The following MYZAP variants were observed in gnomAD, a reference collection of about 807,000 sequenced individuals.
The protein encoded by MYZAP is GRINL1A complex locus upstream.
A neutral mutation model predicts 69.4 loss-of-function variants in MYZAP; 66 were observed. That is an observed-to-expected ratio of 0.95 (90% CI 0.78 to 1.17). The LOEUF (loss-of-function observed/expected upper bound fraction) is 1.17, where lower values mean the gene tolerates loss of function less well. Ranked by LOEUF, MYZAP falls within the 50% of genes most tolerant of loss-of-function variation. The probability of loss-of-function intolerance (pLI) is 0.00; values close to 1 mark genes in which losing one functional copy is unlikely to be tolerated. For missense variants in MYZAP, 611 were observed against 556.2 expected, an observed-to-expected ratio of 1.10 and a Z score of -0.99; for synonymous variants, 256 against 205.9, an observed-to-expected ratio of 1.24 and a Z score of -2.09.
rs1490428196 is a variant in MYZAP at position 57,646,347 on chromosome 15, T to C, written c.1119+6802T>C. On this transcript the variant is annotated intron_variant, in intron 10 of 12. Coordinates refer to ENST00000267853, the MANE Select transcript of MYZAP (RefSeq NM_001018100.5). Reference sequence around the variant, plus strand: ...TATTATTTAAAGGAAAATTTGACCATGTGGGGCTCTTGTTTGTGAAAACAC... The same window carrying C: ...TATTATTTAAAGGAAAATTTGACCACGTGGGGCTCTTGTTTGTGAAAACAC... 9.3e-6 allele frequency: 11 copies of C among 1,187,428 alleles called. No individual in the cohort carries two copies. The East Asian group carries it at 4.8e-4, about 51-fold the overall frequency. 73.6% of individuals were successfully genotyped at this position (1,187,428 alleles called of 1,614,324 possible). A position where few individuals can be genotyped will look rare whatever the true frequency, so the allele number is the denominator to read the frequency against.
intron 10 of MYZAP, among the ~76,000 whole-genome samples, chr15:57,652,953 T>G (rs571434002): frequency 9.8e-5 from 15 of 152,348 alleles, no homozygotes; most frequent in African/African-American, 3.4e-4. Flanking sequence ...ATAGCCCTAG[T>G]AATCTCGTTT....
chr15:57,599,989 A>T (rs377513718), intron 1 of MYZAP, among the ~76,000 whole-genome samples: 28 of 152,326 alleles, frequency 1.8e-4, no homozygotes, highest in African/African-American at 6.5e-4. Flanking sequence ...TACTATTATT[A>T]TTTTAATCAA....
At chr15:57,679,371 TGTGTTTC>T (rs1234773936) in intron 12 of MYZAP, among the ~76,000 whole-genome samples, 26 of 53,010 alleles carry the variant, frequency 4.9e-4, no homozygotes, top group South Asian at 1.7e-3. Context: ...TGTGTGTGTG[TGTGTTTC>T]TCTCTCTCTC....
chr15:57,678,432 T>C (rs1395147356), intron 12 of MYZAP, among the ~76,000 whole-genome samples: 1 of 152,182 alleles, frequency 6.6e-6, no homozygotes, highest in African/African-American at 2.4e-5. Context: ...AAGCACTTAA[T>C]AACTAATAGC....
At chr15:57,630,572 T>A (rs1157321458) in intron 6 of MYZAP, among the ~76,000 whole-genome samples, 1 of 152,096 alleles carries the variant, frequency 6.6e-6, no homozygotes, top group African/African-American at 2.4e-5. Flanking sequence ...GGTGGGTGAC[T>A]AGGGACACTG....
intron 1 of MYZAP, among the ~76,000 whole-genome samples, chr15:57,595,548 G>A (rs1473350702): frequency 6.8e-6 from 1 of 146,474 alleles, no homozygotes; most frequent in Non-Finnish European, 1.5e-5. Flanking sequence ...GAAGGCATGT[G>A]TTGCTTTATG....
intron 10 of MYZAP, among the ~76,000 whole-genome samples, chr15:57,640,548 T>C (rs2140468989): frequency 6.6e-6 from 1 of 152,340 alleles, no homozygotes; most frequent in East Asian, 1.9e-4. Flanking sequence ...TAAAAGCATA[T>C]CTACTTCTAA....
chr15:57,630,146 T>C (rs2140430112), intron 6 of MYZAP, among the ~76,000 whole-genome samples: 1 of 152,266 alleles, frequency 6.6e-6, no homozygotes, highest in East Asian at 1.9e-4. Context: ...TTTTGTATTT[T>C]TAGTAGAGAA....
At chr15:57,658,122 A>G (rs1372242232) in intron 10 of MYZAP, among the ~76,000 whole-genome samples, 1 of 152,216 alleles carries the variant, frequency 6.6e-6, no homozygotes, top group Non-Finnish European at 1.5e-5. Context: ...TGAAAATGCC[A>G]AATGCACACA....
chr15:57,621,396 T>A (rs1408126925), intron 3 of MYZAP, among the ~76,000 whole-genome samples: 6 of 151,968 alleles, frequency 3.9e-5, no homozygotes, highest in Admixed American at 6.6e-5. Flanking sequence ...GTATTTTTAG[T>A]AGAGACGGGG....
intron 2 of MYZAP, among the ~76,000 whole-genome samples, chr15:57,617,370 A>G (rs2035533340): frequency 2.0e-5 from 3 of 152,162 alleles, no homozygotes; most frequent in Admixed American, 2.0e-4. Context: ...TAAGGCTTGG[A>G]CATGTTACTG....
At chr15:57,653,762 C>T (rs774799311) in intron 10 of MYZAP, among the ~76,000 whole-genome samples, 2 of 151,770 alleles carry the variant, frequency 1.3e-5, no homozygotes, top group African/African-American at 2.4e-5. Flanking sequence ...CCCAGCACTT[C>T]GGGAGGCTGA....
At chr15:57,623,103 C>CAG (rs1739262406) in intron 4 of MYZAP, among the ~76,000 whole-genome samples, 1 of 152,190 alleles carries the variant, frequency 6.6e-6, no homozygotes, top group Non-Finnish European at 1.5e-5. Context: ...TGCCTCACCT[C>CAG]ATCGTAAGAT....
chr15:57,647,104 C>G (rs555721568), intron 10 of MYZAP: 1 of 985,418 alleles, frequency 1.0e-6, no homozygotes, highest in African/African-American at 1.7e-5. Context: ...TTCTCCACTC[C>G]TATCACTCCT....
intron 1 of MYZAP, among the ~76,000 whole-genome samples, chr15:57,596,395 G>A (rs1212784745): frequency 6.6e-6 from 1 of 152,152 alleles, no homozygotes; most frequent in Non-Finnish European, 1.5e-5. Flanking sequence ...TGACTAACTA[G>A]AGACCATGTT....
chr15:57,666,287 G>A (rs975499447), intron 11 of MYZAP, among the ~76,000 whole-genome samples: 1 of 152,110 alleles, frequency 6.6e-6, no homozygotes, highest in East Asian at 1.9e-4. Context: ...TGTTGAAATC[G>A]TATTAGGATC....
intron 12 of MYZAP, among the ~76,000 whole-genome samples, chr15:57,684,157 C>T (rs1205086694): frequency 6.6e-6 from 1 of 152,138 alleles, no homozygotes; most frequent in Non-Finnish European, 1.5e-5. Context: ...GACCTAATCA[C>T]CTCCCAAAGT....
chr15:57,614,390 G>A (rs1288785522), intron 2 of MYZAP, among the ~76,000 whole-genome samples: 1 of 152,242 alleles, frequency 6.6e-6, no homozygotes. Flanking sequence ...ACCAACAGTC[G>A]CTGGGCTGCA....
At chr15:57,616,568 G>A (rs888254729) in intron 2 of MYZAP, among the ~76,000 whole-genome samples, 2 of 152,100 alleles carry the variant, frequency 1.3e-5, no homozygotes, top group African/African-American at 2.4e-5. Flanking sequence ...CCCAGGAGGC[G>A]GAGGTTGCAG....
Sources: allele counts gnomAD v4.1 joint callset (sites outside exome capture counted in the v4.1 genomes callset), GRCh38; gene constraint gnomAD v4.1.1; transcripts MANE v1.5; gene names NCBI Gene and HGNC (gene_info 2026-07-23, HGNC 2026-07-21).